The following BEX5 variants were observed in gnomAD, a reference collection of about 807,000 sequenced individuals.
BEX5 encodes brain expressed X-linked 5.
In BEX5, 2 loss-of-function variants were observed where a neutral mutation model predicts 1.4. The observed-to-expected ratio is 1.42, with a 90% CI of 0.58 to 4.47. The LOEUF (loss-of-function observed/expected upper bound fraction) is 4.47. Among genes scored for constraint, BEX5 ranks in the 30% most tolerant of loss-of-function variants. The pLI is 0.06. For missense variants in BEX5, 97 were observed against 87.3 expected (o/e 1.11, Z -0.44); for synonymous variants, 32 against 30.0 (o/e 1.07, Z -0.21).
In BEX5 at chrX:102,155,919, C is replaced by T. The variant is rs1933247429; in HGVS notation, c.-165G>A. The T allele has an allele frequency of 8.9e-6, 1 of 112,723 alleles. No homozygotes were observed. Among genetic ancestry groups the T allele is most frequent in the Admixed American group, 9.3e-5 (1 of 10,746 alleles). The allele number at this position is 112,723 out of a possible 1,213,427, so 9.3% of individuals were successfully genotyped here. A position where few individuals can be genotyped will look rare whatever the true frequency, so the allele number is the denominator to read the frequency against. On this transcript the variant is annotated 5_prime_UTR_variant, in exon 1 of 3. Coordinates refer to ENST00000333643, the MANE Select transcript of BEX5 (RefSeq NM_001012978.3). ...CACCTTTCCTGGGCAGCTGGCTCGCCTGCCTTCAGGGCAACAGCGAGCCGT... is the reference window on the plus strand; with the variant it reads ...CACCTTTCCTGGGCAGCTGGCTCGCTTGCCTTCAGGGCAACAGCGAGCCGT...
At chrX:102,155,075 C>T (rs913265361) in intron 1 of BEX5, among the ~76,000 whole-genome samples, 2 of 111,797 alleles carry the variant, frequency 1.8e-5, no homozygotes, top group Non-Finnish European at 3.8e-5. Flanking sequence ...CTTTCTGCAA[C>T]GCAGGCAACT....
intron 1 of BEX5, chrX:102,155,446 C>G (rs1933241575): frequency 8.9e-6 from 1 of 112,047 alleles, no homozygotes; most frequent in Admixed American, 9.4e-5. Context: ...TCTCTGTCCC[C>G]CTCCTCTGCA....
Position 102,153,762 on chromosome X carries a change from A to T in BEX5, c.*168T>A, listed in dbSNP as rs782116951. The stretch of plus-strand genomic sequence containing the variant: ...TACAGTATGCAATAAACATCTTTCC[A>T]TGAAAGTTGATGAAAGTCCTCTTCT... On this transcript the variant is annotated 3_prime_UTR_variant, in exon 3 of 3. Transcript: ENST00000333643. The T allele has an allele frequency of 1.4e-5, 6 of 433,819 alleles. No individual in the cohort carries two copies. The South Asian group carries it at 2.1e-4, about 15-fold the overall frequency. The allele number at this position is 433,819 out of a possible 1,213,427, so 35.8% of individuals were successfully genotyped here. A position where few individuals can be genotyped will look rare whatever the true frequency, so the allele number is the denominator to read the frequency against.
chrX:102,155,414 G>A (rs190079208), intron 1 of BEX5, among the ~76,000 whole-genome samples: 1 of 111,795 alleles, frequency 8.9e-6, no homozygotes, highest in Non-Finnish European at 1.9e-5. Context: ...TGCCGCAATA[G>A]GGACCTGCTT....
chrX:102,154,024 T>G lies in BEX5; in HGVS notation c.242A>C (p.Lys81Thr). 1 of 1,210,474 alleles carries G rather than the reference T, an allele frequency of 8.3e-7. No individual in the cohort carries two copies. Among genetic ancestry groups the G allele is most frequent in the Non-Finnish European group, 1.1e-6 (1 of 895,125 alleles). Reference protein sequence around the residue: ...FMEEMRELRRKIRELQLRYSL... With the variant: ...FMEEMRELRRTIRELQLRYSL... ...GTACCTCAACTGAAGTTCCCTAATT[T>G]TCCTCCTTAGCTCTCTCATCTCCTC... is the stretch of plus-strand genomic sequence containing the variant. Residue 81 changes from lysine to threonine, a missense_variant, in exon 3 of 3, where the codon AAA becomes ACA. By Grantham distance (78) the Lys-to-Thr change is moderately conservative (BLOSUM62 -1). Transcript: ENST00000333643.
At position 102,154,180 on chromosome X, in the gene BEX5, T is replaced by C; in HGVS notation, c.86A>G (p.Gln29Arg). The C allele has an allele frequency of 1.7e-6, 2 of 1,211,069 alleles. No homozygotes were observed. The highest frequency in any genetic ancestry group is 2.2e-6 in the Non-Finnish European group (2 of 895,292). ...CCCTTTAACATTTCCTCCAGGCTCC[T>C]GGTATTCACCACCTCCTAAAGCGGG... is the stretch of plus-strand genomic sequence containing the variant. ...EAPALGGGEY[Q>R]EPGGNVKGVW... The change falls in exon 3 of 3, where the codon CAG becomes CGG. Residue 29 changes from glutamine (Q) to arginine (R), a missense_variant. Gln to Arg is a conservative substitution (Grantham distance 43). Transcript: ENST00000333643.
rs1299998365 is a variant in BEX5, at chrX:102,153,979, C to A, written c.287G>T (p.Gly96Val). The change falls in exon 3 of 3, where the codon GGG becomes GTG. Residue 96 changes from glycine to valine, a missense_variant. Coordinates refer to ENST00000333643, the MANE Select transcript of BEX5 (RefSeq NM_001012978.3). ...QLRYSLRILI[G>V]DPPHHDHHDE... ...ATGATGATCATGGTGAGGAGGGTCCCCTATAAGAATGCGCAGACTGTACCT... is the reference window on the plus strand; with the variant it reads ...ATGATGATCATGGTGAGGAGGGTCCACTATAAGAATGCGCAGACTGTACCT... The A allele has an allele frequency of 2.5e-6, 3 of 1,206,627 alleles. No homozygotes were observed. The highest frequency in any genetic ancestry group is 3.4e-6 in the Non-Finnish European group (3 of 894,209).
intron 1 of BEX5, chrX:102,155,480 C>G (rs1388308338): frequency 8.9e-6 from 1 of 112,091 alleles, no homozygotes; most frequent in Non-Finnish European, 1.9e-5. Flanking sequence ...TCGGCCCCCG[C>G]AGCCTATCAT....
rs1361021369 is a variant in BEX5, at chrX:102,153,777, A to T, written c.*153T>A. ...ACATCTTTCCATGAAAGTTGATGAA[A>T]GTCCTCTTCTGACAGAAAAACTTAC... On this transcript the variant is annotated 3_prime_UTR_variant, in exon 3 of 3. Coordinates refer to ENST00000333643, the MANE Select transcript of BEX5 (RefSeq NM_001012978.3). 1 of 466,850 alleles carries T rather than the reference A, an allele frequency of 2.1e-6. No homozygotes were observed. Among genetic ancestry groups the T allele is most frequent in the Non-Finnish European group, 3.6e-6 (1 of 279,788 alleles). 38.5% of individuals were successfully genotyped at this position (466,850 alleles called of 1,213,427 possible).
chrX:102,154,282 G>GTTTT lies in BEX5; in HGVS notation c.-21_-18dup. 31 of 971,911 alleles carry GTTTT rather than the reference G, an allele frequency of 3.2e-5. No individual in the cohort carries two copies. Among genetic ancestry groups the GTTTT allele is most frequent in the African/African-American group, 4.3e-5 (2 of 46,830 alleles). The allele number at this position is 971,911 out of a possible 1,213,427, so 80.1% of individuals were successfully genotyped here. ...ATTTTCCATGTTGAGTTTTTTTCCT[G>GTTTT]TTTTTTTTTTTTTTTTCTTCCTAGA... On this transcript the variant is annotated 5_prime_UTR_variant, in exon 3 of 3. Transcript: ENST00000333643.
rs1556370146 is a variant in BEX5 at position 102,155,849 on chromosome X, C to CA, written c.-105+9_-105+10insT. ...CCTCTGCTGCTCACACACCGGTCAG[C>CA]GCCACCTACCTGCCAGGGCTCAGGG... On this transcript the variant is annotated intron_variant, in intron 1 of 2. Coordinates refer to ENST00000333643, the MANE Select transcript of BEX5 (RefSeq NM_001012978.3). 0.014 allele frequency: 5 copies of CA among 354 alleles called. No individual in the cohort carries two copies. In the African/African-American group the frequency reaches 0.26, roughly 19 times the overall value. The allele number at this position is 354 out of a possible 1,213,427, so 0.0% of individuals were successfully genotyped here. A position where few individuals can be genotyped will look rare whatever the true frequency, so the allele number is the denominator to read the frequency against.
chrX:102,154,060 T>A lies in BEX5; in HGVS notation c.206A>T (p.Glu69Val). The change falls in exon 3 of 3, where the codon GAA becomes GTA. Residue 69 changes from glutamate to valine, a missense_variant. Transcript: ENST00000333643. The stretch of plus-strand genomic sequence containing the variant: ...CTCTCTCATCTCCTCCATGAACCGT[T>A]CCATATCATCTCCATCTCCATCTAT... The part of the protein sequence containing the change: ...DMIDGDGDDM[E>V]RFMEEMRELR... 1 of 1,210,444 alleles carries A rather than the reference T, an allele frequency of 8.3e-7. No homozygotes were observed. The highest frequency in any genetic ancestry group is 1.8e-5 in the South Asian group (1 of 56,882).
intron 1 of BEX5, among the ~76,000 whole-genome samples, 164 bp from the exon 2 acceptor site, chrX:102,154,974 T>C (rs186806759): frequency 9.0e-6 from 1 of 111,435 alleles, no homozygotes; most frequent in Non-Finnish European, 1.9e-5. Flanking sequence ...CTTCCAGAAA[T>C]AGGCATCAAA....
chrX:102,153,801 A>T lies in BEX5; in HGVS notation c.*129T>A. 1.8e-6 allele frequency: 1 copy of T among 553,195 alleles called. No individual in the cohort carries two copies. The highest frequency in any genetic ancestry group is 2.9e-6 in the Non-Finnish European group (1 of 350,212). The allele number at this position is 553,195 out of a possible 1,213,427, so 45.6% of individuals were successfully genotyped here. On this transcript the variant is annotated 3_prime_UTR_variant, in exon 3 of 3. Transcript: ENST00000333643. ...AAGTCCTCTTCTGACAGAAAAACTTACAGACTAGGTCAAAATGCAATCTCC... is the reference window on the plus strand; with the variant it reads ...AAGTCCTCTTCTGACAGAAAAACTTTCAGACTAGGTCAAAATGCAATCTCC...
At chrX:102,154,335 T>C (rs1240735917) in intron 2 of BEX5, 33 bp from the exon 3 acceptor site, 2 of 953,519 alleles carry the variant, frequency 2.1e-6, no homozygotes, top group Non-Finnish European at 2.8e-6. Context: ...AGGGAATGAA[T>C]GCTTGATAGG....
chrX:102,154,284 T>C lies in BEX5; in HGVS notation c.-19A>G, dbSNP rs781894316. On this transcript the variant is annotated 5_prime_UTR_variant, in exon 3 of 3. Coordinates refer to ENST00000333643, the MANE Select transcript of BEX5 (RefSeq NM_001012978.3). ...TTTCCATGTTGAGTTTTTTTCCTGT[T>C]TTTTTTTTTTTTTTCTTCCTAGAAG... The C allele has an allele frequency of 8.9e-6, 7 of 790,579 alleles. No homozygotes were observed. The highest frequency in any genetic ancestry group is 5.7e-5 in the African/African-American group (2 of 35,386). 65.2% of individuals were successfully genotyped at this position (790,579 alleles called of 1,213,427 possible).
rs112361831 is a variant in BEX5 at position 102,154,219 on chromosome X, A to T, written c.47T>A (p.Val16Glu). Residue 16 changes from valine (V) to glutamate (E), a missense_variant, in exon 3 of 3, where the codon GTG (valine) becomes GAG (glutamate). Coordinates refer to ENST00000333643, the MANE Select transcript of BEX5 (RefSeq NM_001012978.3). ...TCCTAAAGCGGGGGCTTCATTCTGC[A>T]CTGGGGCCTTCTCCACAACTTTGTT... The part of the protein sequence containing the change: ...KENKVVEKAP[V>E]QNEAPALGGG... 9 of 1,195,543 alleles carry T rather than the reference A, an allele frequency of 7.5e-6. No homozygotes were observed. Among genetic ancestry groups the T allele is most frequent in the African/African-American group, 5.3e-5 (3 of 56,782 alleles).
At chrX:102,154,343 A>G in intron 2 of BEX5, 41 bp from the exon 3 acceptor site, 1 of 924,470 alleles carries the variant, frequency 1.1e-6, no homozygotes. Flanking sequence ...AATGCTTGAT[A>G]GGATTCAGAG....
chrX:102,154,942 A>G (rs1377240618), intron 1 of BEX5, 132 bp from the exon 2 acceptor site: 1 of 110,839 alleles, frequency 9.0e-6, no homozygotes, highest in Non-Finnish European at 1.9e-5. Flanking sequence ...TTCTTTTCCC[A>G]CCCTGTGACA....
Sources: allele counts gnomAD v4.1 joint callset (sites outside exome capture counted in the v4.1 genomes callset), GRCh38; gene constraint gnomAD v4.1.1; transcripts MANE v1.5; gene names NCBI Gene and HGNC (gene_info 2026-07-23, HGNC 2026-07-21).